EPHA4: variants seen among roughly 807,000 people sequenced by gnomAD.
EPHA4 encodes ephrin type-A receptor 4.
EPHA4 carries 19 observed loss-of-function variants against 108.3 expected under a neutral mutation model. The ratio of observed to expected loss-of-function variants is 0.18; its 90% confidence interval spans 0.12 to 0.26. The LOEUF is 0.26. Ranked by LOEUF, EPHA4 falls within the 10% of genes least tolerant of loss-of-function variation. EPHA4 has a pLI of 1.00. For synonymous variants in EPHA4, 449 were observed against 455.5 expected (o/e 0.99, Z 0.18); for missense variants, 917 against 1,254.0 (o/e 0.73, Z 4.06).
chr2:221,530,985 T>G (rs77241632), intron 3 of EPHA4, among the ~76,000 whole-genome samples: 4,229 of 152,218 alleles, frequency 0.028, 95 homozygotes, highest in Non-Finnish European at 0.046. Flanking sequence ...GGAATTAACT[T>G]ATAACAGCTA....
At chr2:221,453,714 A>G (rs960971112) in intron 8 of EPHA4, among the ~76,000 whole-genome samples, 14 of 152,314 alleles carry the variant, frequency 9.2e-5, no homozygotes, top group African/African-American at 3.1e-4. Context: ...TTGACTCATC[A>G]CTCTAATCAA....
chr2:221,488,934 G>A (rs1692058429), intron 4 of EPHA4, among the ~76,000 whole-genome samples: 3 of 152,122 alleles, frequency 2.0e-5, no homozygotes, highest in African/African-American at 7.2e-5. Flanking sequence ...TAATTCTTGA[G>A]TAGTTTAGAG....
chr2:221,426,573 C>A lies in EPHA4; in HGVS notation c.2737G>T (p.Val913Leu). ...LDPSSPEFSAVVSVGDWLQAI... is the reference protein window; with the variant it reads ...LDPSSPEFSALVSVGDWLQAI... The stretch of plus-strand genomic sequence containing the variant: ...TGGAGCCAATCGCCCACTGATACCA[C>A]AGCAGAGAATTCAGGGGAGCTTGGA... Residue 913 changes from valine (V) to leucine (L), a missense_variant, in exon 16 of 18, where the codon GTG becomes TTG. Val to Leu is a conservative substitution (Grantham distance 32). Transcript: ENST00000281821. 6.2e-7 allele frequency: 1 copy of A among 1,613,994 alleles called. No homozygotes were observed. Among genetic ancestry groups the A allele is most frequent in the Non-Finnish European group, 8.5e-7 (1 of 1,180,006 alleles).
chr2:221,480,764 C>A (rs548281381), intron 5 of EPHA4, among the ~76,000 whole-genome samples: 32 of 152,326 alleles, frequency 2.1e-4, no homozygotes, highest in African/African-American at 7.5e-4. Context: ...GTAAGACTTG[C>A]CATTCTAGCC....
intron 4 of EPHA4, among the ~76,000 whole-genome samples, chr2:221,491,304 A>C (rs1692136648): frequency 6.6e-6 from 1 of 152,232 alleles, no homozygotes; most frequent in South Asian, 2.1e-4. Context: ...CCTGTGCATT[A>C]ATTTACTTTC....
rs774338553 is a variant in EPHA4, at chr2:221,442,956, A to G, written c.1947T>C (p.Cys649=). ...RLKVPGKREI[C]VAIKTLKAGY... is the part of the protein sequence containing the mutation. ...CAGCTTTCAGAGTCTTGATAGCCAC[A>G]CAGATCTCTCTCTTGCCAGGCACTT... Residue 649 remains cysteine, a synonymous_variant, in exon 11 of 18, where the codon TGT becomes TGC. Coordinates refer to ENST00000281821, the MANE Select transcript of EPHA4 (RefSeq NM_004438.5). The G allele has an allele frequency of 3.1e-6, 5 of 1,614,038 alleles. No homozygotes were observed. The highest frequency in any genetic ancestry group is 2.2e-5 in the East Asian group (1 of 44,886).
At chr2:221,473,744 T>C (rs568551917) in intron 5 of EPHA4, among the ~76,000 whole-genome samples, 6 of 152,154 alleles carry the variant, frequency 3.9e-5, no homozygotes, top group Admixed American at 6.5e-5. Flanking sequence ...TAGAAGCCCA[T>C]TGGAAACCCT....
chr2:221,547,126 C>G (rs1287486878), intron 3 of EPHA4, among the ~76,000 whole-genome samples: 1 of 152,202 alleles, frequency 6.6e-6, no homozygotes, highest in African/African-American at 2.4e-5. Context: ...ATTGCTTCTT[C>G]CATCTTTTTT....
In EPHA4 at chr2:221,456,669, C is replaced by T; in HGVS notation, c.1547G>A (p.Arg516Lys). ...GAAGTCTCCATAGCCAGCTGCTGTC[C>T]TGGCTCGCACGTGGAAAACATAGGA... ...LTSYVFHVRA[R>K]TAAGYGDFSE... The change falls in exon 7 of 18, where the codon AGG becomes AAG. Residue 516 changes from arginine (R) to lysine (K), a missense_variant. Around this residue, in one of 3 missense-constraint regions of EPHA4, gnomAD observed 758 missense variants for 1,076.7 expected, o/e 0.70. Coordinates refer to ENST00000281821, the MANE Select transcript of EPHA4 (RefSeq NM_004438.5). 6.2e-7 allele frequency: 1 copy of T among 1,613,972 alleles called. No homozygotes were observed. Among genetic ancestry groups the T allele is most frequent in the South Asian group, 1.1e-5 (1 of 91,080 alleles).
intron 5 of EPHA4, among the ~76,000 whole-genome samples, chr2:221,462,400 T>C: frequency 6.6e-6 from 1 of 151,898 alleles, no homozygotes; most frequent in Middle Eastern, 3.2e-3. Flanking sequence ...CCTAAGGAGA[T>C]TTCAGCAGTT....
Position 221,425,981 on chromosome 2 carries a change from G to T in EPHA4, c.*47C>A. ...TGCAGTTCTTCAATTAAAGTGCATGGATGAGGTAAACTAATTTCAAGAGTT... is the reference window on the plus strand; with the variant it reads ...TGCAGTTCTTCAATTAAAGTGCATGTATGAGGTAAACTAATTTCAAGAGTT... On this transcript the variant is annotated 3_prime_UTR_variant, in exon 17 of 18. Coordinates refer to ENST00000281821, the MANE Select transcript of EPHA4 (RefSeq NM_004438.5). 1 of 1,493,682 alleles carries T rather than the reference G, an allele frequency of 6.7e-7. No homozygotes were observed. The highest frequency in any genetic ancestry group is 9.3e-7 in the Non-Finnish European group (1 of 1,070,890). 92.5% of individuals were successfully genotyped at this position (1,493,682 alleles called of 1,614,324 possible).
chr2:221,470,563 T>C (rs1282854941), intron 5 of EPHA4, among the ~76,000 whole-genome samples: 1 of 149,942 alleles, frequency 6.7e-6, no homozygotes, highest in Non-Finnish European at 1.5e-5. Context: ...CCCTAAAGTA[T>C]CACTTTAGGG....
chr2:221,477,549 TA>T (rs1319891914), intron 5 of EPHA4, among the ~76,000 whole-genome samples: 4 of 152,144 alleles, frequency 2.6e-5, no homozygotes, highest in Admixed American at 2.6e-4. Flanking sequence ...CATTGCCCAT[TA>T]GGGGTAGGAG....
At chr2:221,473,552 G>T in intron 5 of EPHA4, among the ~76,000 whole-genome samples, 1 of 109,664 alleles carries the variant, frequency 9.1e-6, no homozygotes, top group South Asian at 3.4e-4. Context: ...GTGTTTAAAG[G>T]AAAAAAAAAA....
In EPHA4 at chr2:221,436,620, AG is replaced by A. The variant is rs1260301729; in HGVS notation, c.2137-13del. 2 of 1,613,180 alleles carry A rather than the reference AG, an allele frequency of 1.2e-6. No individual in the cohort carries two copies. The highest frequency in any genetic ancestry group is 1.7e-6 in the Non-Finnish European group (2 of 1,179,378). On this transcript the variant is annotated splice_polypyrimidine_tract_variant and intron_variant, in intron 12 of 17. Transcript: ENST00000281821. ...CTGCCATCATTTTTCTGCATAGAAA[AG>A]GAGTGAGGAACAATCTCATTAGCAT...
At chr2:221,515,960 G>GGA (rs540829730) in intron 3 of EPHA4, among the ~76,000 whole-genome samples, 1 of 140,888 alleles carries the variant, frequency 7.1e-6, no homozygotes, top group Non-Finnish European at 1.5e-5. Flanking sequence ...GATTTGAAGG[G>GGA]AAAAAAAAAA....
intron 4 of EPHA4, among the ~76,000 whole-genome samples, chr2:221,500,133 A>G (rs967441297): frequency 6.6e-6 from 1 of 152,154 alleles, no homozygotes; most frequent in African/African-American, 2.4e-5. Flanking sequence ...GTTTAATACC[A>G]ACAACCATTA....
At chr2:221,427,027 T>C (rs956712386) in intron 15 of EPHA4, among the ~76,000 whole-genome samples, 1 of 152,198 alleles carries the variant, frequency 6.6e-6, no homozygotes, top group South Asian at 2.1e-4. Flanking sequence ...GAAACCCTAG[T>C]GAAGGATGAG....
At chr2:221,472,199 G>T (rs1021608736) in intron 5 of EPHA4, among the ~76,000 whole-genome samples, 1 of 151,684 alleles carries the variant, frequency 6.6e-6, no homozygotes, top group Non-Finnish European at 1.5e-5. Flanking sequence ...AAAAATCCCT[G>T]GCTTGTTTAT....
Sources: gnomAD v4.1 joint callset for allele counts (sites outside exome capture counted in the v4.1 genomes callset) on GRCh38, gnomAD v4.1.1 for gene constraint, gnomAD v4.1.1 regional missense constraint, MANE v1.5 for transcripts, NCBI Gene and HGNC (gene_info 2026-07-23, HGNC 2026-07-21) for gene names.